Variants in MRGPRE observed in about 807,000 individuals in gnomAD.
The protein encoded by MRGPRE is mas-related G protein-coupled receptor member E.
For synonymous variants in MRGPRE, 229 were observed against 206.7 expected, an observed-to-expected ratio of 1.11 and a Z score of -0.92; for missense variants, 466 against 433.4, an observed-to-expected ratio of 1.08 and a Z score of -0.67.
chr11:3,226,529 T>C lies in MRGPRE; in HGVS notation c.*1332A>G, dbSNP rs973664018. ...GTGCGGGAGCCTGAGGTGAACGCAC[T>C]GTGTGGGCTGGGAGGGGCCCGGTGC... On this transcript the variant is annotated 3_prime_UTR_variant, in exon 2 of 2. Transcript: ENST00000389832. 6.6e-6 allele frequency: 1 copy of C among 152,060 alleles called. No homozygotes were observed. The highest frequency in any genetic ancestry group is 2.4e-5 in the African/African-American group (1 of 41,380). 9.4% of individuals were successfully genotyped at this position (152,060 alleles called of 1,614,324 possible). A position where few individuals can be genotyped will look rare whatever the true frequency, so the allele number is the denominator to read the frequency against.
At position 3,227,879 on chromosome 11, in the gene MRGPRE, C is replaced by T. The variant is rs1182005724; in HGVS notation, c.921G>A (p.Leu307=). The T allele has an allele frequency of 6.9e-7, 1 of 1,456,428 alleles. No individual in the cohort carries two copies. Among genetic ancestry groups the T allele is most frequent in the Non-Finnish European group, 9.1e-7 (1 of 1,102,710 alleles). The allele number at this position is 1,456,428 out of a possible 1,614,324, so 90.2% of individuals were successfully genotyped here. A position where few individuals can be genotyped will look rare whatever the true frequency, so the allele number is the denominator to read the frequency against. ...CCAGGGCTCAGGCTGCTATGTCCACCAGGCCCCGGCGGGAGGTCTCCCTGA... is the reference window on the plus strand; with the variant it reads ...CCAGGGCTCAGGCTGCTATGTCCACTAGGCCCCGGCGGGAGGTCTCCCTGA... The part of the protein sequence containing the change: ...GAVRETSRRG[L]VDIAA Residue 307 remains leucine, a synonymous_variant, in exon 2 of 2, where the codon CTG becomes CTA. Coordinates refer to ENST00000389832, the MANE Select transcript of MRGPRE (RefSeq NM_001039165.4).
rs1257830544 is a variant in MRGPRE at position 3,227,760 on chromosome 11, C to T, written c.*101G>A. On this transcript the variant is annotated 3_prime_UTR_variant, in exon 2 of 2. Transcript: ENST00000389832. Reference sequence around the variant, plus strand: ...ACATGACCGGGTCACCCACCAAGGCCTCCTCCAGGTCCGGCTGGCCCCAGC... The same window carrying T: ...ACATGACCGGGTCACCCACCAAGGCTTCCTCCAGGTCCGGCTGGCCCCAGC... 9.3e-6 allele frequency: 9 copies of T among 968,228 alleles called. No individual in the cohort carries two copies. The highest frequency in any genetic ancestry group is 1.3e-5 in the Non-Finnish European group (9 of 687,372). The allele number at this position is 968,228 out of a possible 1,614,324, so 60.0% of individuals were successfully genotyped here. A position where few individuals can be genotyped will look rare whatever the true frequency, so the allele number is the denominator to read the frequency against.
chr11:3,226,116 T>C lies in MRGPRE; in HGVS notation c.*1745A>G, dbSNP rs4556520. On this transcript the variant is annotated 3_prime_UTR_variant, in exon 2 of 2. Transcript: ENST00000389832. ...GCCACATAGCCCCTCGGAGCCTTGG[T>C]GGCTCATCTGCAGAGTGGGAGCACC... 0.34 allele frequency: 51,183 copies of C among 152,128 alleles called. 9,849 individuals are homozygous for C. Among genetic ancestry groups the C allele is most frequent in the East Asian group, 0.58 (2,963 of 5,142 alleles). The allele number at this position is 152,128 out of a possible 1,614,324, so 9.4% of individuals were successfully genotyped here.
Position 3,228,011 on chromosome 11 carries a change from C to G in MRGPRE, c.789G>C (p.Ala263=). ...FSFLMAAVHC[A]AKPVVYFCLG... ...GGCAGAAGTAGACGACGGGCTTGGC[C>G]GCGCAGTGCACGGCGGCCATGAGGA... Residue 263 remains alanine (A), a synonymous_variant, in exon 2 of 2, where the codon GCG becomes GCC. Coordinates refer to ENST00000389832, the MANE Select transcript of MRGPRE (RefSeq NM_001039165.4). 6.2e-7 allele frequency: 1 copy of G among 1,605,130 alleles called. No individual in the cohort carries two copies. The highest frequency in any genetic ancestry group is 8.5e-7 in the Non-Finnish European group (1 of 1,175,532).
In MRGPRE at chr11:3,226,787, C is replaced by T. The variant is rs76446913; in HGVS notation, c.*1074G>A. ...TCGACAGACATTTCTCTTGGGCTCACGAGAGGCTGGACAGGCCTCAAAGCA... is the reference window on the plus strand; with the variant it reads ...TCGACAGACATTTCTCTTGGGCTCATGAGAGGCTGGACAGGCCTCAAAGCA... On this transcript the variant is annotated 3_prime_UTR_variant, in exon 2 of 2. Coordinates refer to ENST00000389832, the MANE Select transcript of MRGPRE (RefSeq NM_001039165.4). Among the ~76,000 whole-genome samples, 37 of 152,352 alleles carry T rather than the reference C, an allele frequency of 2.4e-4. No homozygotes were observed. The highest frequency in any genetic ancestry group is 7.7e-4 in the African/African-American group (32 of 41,568).
rs914582470 is a variant in MRGPRE at position 3,229,281 on chromosome 11, A to C, written c.-61-421T>G. Among the ~76,000 whole-genome samples, 6 of 140,806 alleles carry C rather than the reference A, an allele frequency of 4.3e-5. No individual in the cohort carries two copies. Among genetic ancestry groups the C allele is most frequent in the Non-Finnish European group, 9.0e-5 (6 of 66,826 alleles). The allele number at this position is 140,806 out of a possible 152,430, so 92.4% of individuals were successfully genotyped here. On this transcript the variant is annotated intron_variant, in intron 1 of 1. Coordinates refer to ENST00000389832, the MANE Select transcript of MRGPRE (RefSeq NM_001039165.4). This position sits in a 1 kb window ranked among gnomAD's most constrained non-coding sequence, Gnocchi z 4.4. ...GCTCTGTTGCCCCAGGCTAGAGTGCAATGGCACCATCTCGGCTCACTGCAA... is the reference window on the plus strand; with the variant it reads ...GCTCTGTTGCCCCAGGCTAGAGTGCCATGGCACCATCTCGGCTCACTGCAA...
chr11:3,228,122 G>C lies in MRGPRE; in HGVS notation c.678C>G (p.Phe226Leu). Residue 226 changes from phenylalanine to leucine, a missense_variant, in exon 2 of 2, where the codon TTC becomes TTG. Physicochemically the swap from Phe to Leu is conservative, Grantham distance 22. Coordinates refer to ENST00000389832, the MANE Select transcript of MRGPRE (RefSeq NM_001039165.4). ...PGLILLTVLL[F>L]LFCGLPFGIY... Reference sequence around the variant, plus strand: ...TGCCGAAGGGCAGGCCGCAGAAGAGGAAGAGGAGGACGGTGAGGAGGATGA... The same window carrying C: ...TGCCGAAGGGCAGGCCGCAGAAGAGCAAGAGGAGGACGGTGAGGAGGATGA... 1 of 1,591,284 alleles carries C rather than the reference G, an allele frequency of 6.3e-7. No individual in the cohort carries two copies. Among genetic ancestry groups the C allele is most frequent in the Non-Finnish European group, 8.6e-7 (1 of 1,169,382 alleles).
Position 3,225,828 on chromosome 11 carries a change from A to T in MRGPRE, c.*2033T>A, listed in dbSNP as rs921362440. Reference sequence around the variant, plus strand: ...CGGACTCCTCGAGAAGGGGCTAATAAGGAGGAATCTAGAGCCACTCCAATC... The same window carrying T: ...CGGACTCCTCGAGAAGGGGCTAATATGGAGGAATCTAGAGCCACTCCAATC... On this transcript the variant is annotated 3_prime_UTR_variant, in exon 2 of 2. Transcript: ENST00000389832. Among the ~76,000 whole-genome samples the T allele has an allele frequency of 3.9e-5, 6 of 152,234 alleles. No individual in the cohort carries two copies. The highest frequency in any genetic ancestry group is 1.2e-4 in the African/African-American group (5 of 41,470).
Position 3,228,164 on chromosome 11 carries a change from G to GGGTGGGGGCC in MRGPRE, c.626_635dup (p.Arg213AlafsTer86), listed in dbSNP as rs1847785293. On this transcript the variant is annotated frameshift_variant, in exon 2 of 2. Coordinates refer to ENST00000389832, the MANE Select transcript of MRGPRE (RefSeq NM_001039165.4). LOFTEE classifies it low-confidence loss of function (END_TRUNC). ...GGAGGATGAGCCCAGGGAAGCCCCG[G>GGGTGGGGGCC]GGTGGGGGCCGCTGGGGGCCTCGCT... 6.4e-7 allele frequency: 1 copy of GGGTGGGGGCC among 1,572,200 alleles called. No individual in the cohort carries two copies. The highest frequency in any genetic ancestry group is 1.3e-5 in the African/African-American group (1 of 74,506).
Position 3,228,177 on chromosome 11 carries a change from T to C in MRGPRE, c.623A>G (p.Gln208Arg). The C allele has an allele frequency of 6.4e-7, 1 of 1,565,800 alleles. No homozygotes were observed. Among genetic ancestry groups the C allele is most frequent in the Non-Finnish European group, 8.7e-7 (1 of 1,155,518 alleles). Residue 208 changes from glutamine (Q) to arginine (R), a missense_variant, in exon 2 of 2, where the codon CAG becomes CGG. Coordinates refer to ENST00000389832, the MANE Select transcript of MRGPRE (RefSeq NM_001039165.4). Reference protein sequence around the residue: ...MLLLRVERGPQRPPPRGFPGL... With the variant: ...MLLLRVERGPRRPPPRGFPGL... ...AGGGAAGCCCCGGGGTGGGGGCCGC[T>C]GGGGGCCTCGCTCCACCCGCAGCAG...
rs372568427 is a variant in MRGPRE, at chr11:3,228,769, C to G, written c.31G>C (p.Val11Leu). ...TCCTGGGCGCCGTTGGCGGCCCCCA[C>G]GTGCTGTCCAGCTTCTCTGGGCTCC... MMEPREAGQH[V>L]GAANGAQEDV... The change falls in exon 2 of 2, where the codon GTG becomes CTG. Residue 11 changes from valine to leucine, a missense_variant. Transcript: ENST00000389832. The G allele has an allele frequency of 3.0e-5, 48 of 1,610,718 alleles. No homozygotes were observed. The highest frequency in any genetic ancestry group is 1.6e-4 in the Middle Eastern group (1 of 6,070).
At position 3,226,482 on chromosome 11, in the gene MRGPRE, T is replaced by A. The variant is rs1185850009; in HGVS notation, c.*1379A>T. 6.6e-6 allele frequency: 1 copy of A among 152,240 alleles called. No individual in the cohort carries two copies. The highest frequency in any genetic ancestry group is 1.5e-5 in the Non-Finnish European group (1 of 68,078). The allele number at this position is 152,240 out of a possible 1,614,324, so 9.4% of individuals were successfully genotyped here. ...GGGGCTCCCAGTCTCAAGGGATACC[T>A]GGACCCAGGCCTGCTGGGCACGTGC... On this transcript the variant is annotated 3_prime_UTR_variant, in exon 2 of 2. Coordinates refer to ENST00000389832, the MANE Select transcript of MRGPRE (RefSeq NM_001039165.4).
In MRGPRE at chr11:3,230,430, G is replaced by C. The variant is rs549227072; in HGVS notation, c.-61-1570C>G. On this transcript the variant is annotated intron_variant, in intron 1 of 1. Coordinates refer to ENST00000389832, the MANE Select transcript of MRGPRE (RefSeq NM_001039165.4). The surrounding 1 kb of genome is among the most constrained non-coding windows in gnomAD (Gnocchi z 5.5). ...CCCTGCTGTCTCCCTCCAGTGATAG[G>C]AGCACCCGAGACCATGCAGGGGGAC... 3.3e-5 allele frequency among the ~76,000 whole-genome samples: 5 copies of C among 152,276 alleles called. No homozygotes were observed. The highest frequency in any genetic ancestry group is 9.6e-5 in the African/African-American group (4 of 41,550).
chr11:3,228,424 GGGC>G lies in MRGPRE; in HGVS notation c.373_375del (p.Ala125del). The G allele has an allele frequency of 6.2e-7, 1 of 1,609,210 alleles. No individual in the cohort carries two copies. The highest frequency in any genetic ancestry group is 8.5e-7 in the Non-Finnish European group (1 of 1,178,928). ...CGGCACGAGTACCAGGCTGGGAAGA[GGGC>G]GGCCAGGCACTGCTCCACGCTGACG... On this transcript the variant is annotated inframe_deletion, in exon 2 of 2. Coordinates refer to ENST00000389832, the MANE Select transcript of MRGPRE (RefSeq NM_001039165.4).
chr11:3,231,610 A>G lies in MRGPRE; in HGVS notation c.-62+531T>C. Among the ~76,000 whole-genome samples the G allele has an allele frequency of 1.0e-5, 1 of 96,894 alleles. No homozygotes were observed. The highest frequency in any genetic ancestry group is 4.1e-4 in the South Asian group (1 of 2,450). The allele number at this position is 96,894 out of a possible 152,430, so 63.6% of individuals were successfully genotyped here. A position where few individuals can be genotyped will look rare whatever the true frequency, so the allele number is the denominator to read the frequency against. On this transcript the variant is annotated intron_variant, in intron 1 of 1. Coordinates refer to ENST00000389832, the MANE Select transcript of MRGPRE (RefSeq NM_001039165.4). This position sits in a 1 kb window ranked among gnomAD's most constrained non-coding sequence, Gnocchi z 4.7. Reference sequence around the variant, plus strand: ...ACGATGGAAGAGAACAGGAGGGAGGAGGAGGAGGGGGAGGAGAAGGAGGGG... The same window carrying G: ...ACGATGGAAGAGAACAGGAGGGAGGGGGAGGAGGGGGAGGAGAAGGAGGGG...
Position 3,228,210 on chromosome 11 carries a change from A to C in MRGPRE, c.590T>G (p.Leu197Arg), listed in dbSNP as rs1847786273. 1 of 1,557,458 alleles carries C rather than the reference A, an allele frequency of 6.4e-7. No individual in the cohort carries two copies. The highest frequency in any genetic ancestry group is 8.7e-7 in the Non-Finnish European group (1 of 1,151,178). The part of the protein sequence containing the change: ...LLCCTMCGAS[L>R]MLLLRVERGP... ...TCGCTCCACCCGCAGCAGCAGCATAAGGCTGGCCCCACACATGGTGCAACA... is the reference window on the plus strand; with the variant it reads ...TCGCTCCACCCGCAGCAGCAGCATACGGCTGGCCCCACACATGGTGCAACA... Residue 197 changes from leucine to arginine, a missense_variant, in exon 2 of 2, where the codon CTT (leucine) becomes CGT (arginine). Physicochemically the swap from Leu to Arg is moderately radical, Grantham distance 102. Transcript: ENST00000389832.
rs1321032849 is a variant in MRGPRE, at chr11:3,226,822, C to T, written c.*1039G>A. On this transcript the variant is annotated 3_prime_UTR_variant, in exon 2 of 2. Transcript: ENST00000389832. ...GACAGGCCTCAAAGCACTGGGTTCT[C>T]ATATTTTACAGACCAGCAAACAGAG... 6.6e-6 allele frequency among the ~76,000 whole-genome samples: 1 copy of T among 152,224 alleles called. No individual in the cohort carries two copies. The highest frequency in any genetic ancestry group is 1.5e-5 in the Non-Finnish European group (1 of 68,046).
rs749454603 is a variant in MRGPRE at position 3,228,632 on chromosome 11, G to A, written c.168C>T (p.Asn56=). 2 of 1,614,138 alleles carry A rather than the reference G, an allele frequency of 1.2e-6. No homozygotes were observed. Among genetic ancestry groups the A allele is most frequent in the Non-Finnish European group, 1.7e-6 (2 of 1,180,034 alleles). ...LWLLSSNVYR[N]PFAIYLLDVA... ...CGTCCAGGAGGTAGATGGCGAAGGG[G>A]TTTCTGTAGACATTGGAGCTGAGCA... The change falls in exon 2 of 2, where the codon AAC becomes AAT. Residue 56 remains asparagine, a synonymous_variant. Transcript: ENST00000389832.
chr11:3,228,722 G>T lies in MRGPRE; in HGVS notation c.78C>A (p.Ile26=). Residue 26 remains isoleucine, a synonymous_variant, in exon 2 of 2, where the codon ATC becomes ATA. Coordinates refer to ENST00000389832, the MANE Select transcript of MRGPRE (RefSeq NM_001039165.4). The part of the protein sequence containing the change: ...GAQEDVAFNL[I]ILSLTEGLGL... ...CGAGCCCCTCGGTGAGGGACAGGAT[G>T]ATGAGGTTGAAGGCCACATCCTCCT... 6.2e-7 allele frequency: 1 copy of T among 1,613,874 alleles called. No homozygotes were observed. Among genetic ancestry groups the T allele is most frequent in the Non-Finnish European group, 8.5e-7 (1 of 1,179,976 alleles).
Sources: gnomAD v4.1 joint callset for allele counts (sites outside exome capture counted in the v4.1 genomes callset) on GRCh38, gnomAD v4.1.1 for gene constraint, Gnocchi (gnomAD v3.1) non-coding constraint, MANE v1.5 for transcripts, NCBI Gene and HGNC (gene_info 2026-07-23, HGNC 2026-07-21) for gene names.